Variants in C1RL observed in about 807,000 individuals in gnomAD.
C1RL encodes complement C1r subcomponent like, also known as complement C1r subcomponent-like protein.
A neutral mutation model predicts 27.9 loss-of-function variants in C1RL; 27 were observed. The observed-to-expected ratio is 0.97, with a 90% CI of 0.71 to 1.33. The LOEUF (loss-of-function observed/expected upper bound fraction) is 1.33, where lower values mean the gene tolerates loss of function less well. Ranked by LOEUF, C1RL falls within the 40% of genes most tolerant of loss-of-function variation. The pLI is 0.00. For missense variants in C1RL, 563 were observed against 623.9 expected, an observed-to-expected ratio of 0.90 and a Z score of 1.04; for synonymous variants, 248 against 252.1, an observed-to-expected ratio of 0.98 and a Z score of 0.15.
At chr12:7,097,368 C>T (rs777754581) in intron 5 of C1RL, 2 of 518,888 alleles carry the variant, frequency 3.9e-6, no homozygotes, top group Admixed American at 7.5e-5. Context: ...CTGCAACCTC[C>T]GCCTCCTGCG....
chr12:7,098,005 C>G (rs913886682), intron 5 of C1RL, among the ~76,000 whole-genome samples: 1 of 152,030 alleles, frequency 6.6e-6, no homozygotes, highest in Non-Finnish European at 1.5e-5. Flanking sequence ...CGGTGGCTCA[C>G]GCCTGTAATC....
Position 7,096,531 on chromosome 12 carries a change from C to A in C1RL, c.1324G>T (p.Val442Leu). Residue 442 changes from valine to leucine, a missense_variant, in exon 6 of 6, where the codon GTA becomes TTA. Transcript: ENST00000266542. The stretch of plus-strand genomic sequence containing the variant: ...CAGTGATGGGCATGATTGTCCCATA[C>A]CACATAGACGCTGCCACTGTCCCCC... The part of the protein sequence containing the change: ...CQGDSGSVYV[V>L]WDNHAHHWVA... 6.2e-7 allele frequency: 1 copy of A among 1,614,180 alleles called. No homozygotes were observed. Among genetic ancestry groups the A allele is most frequent in the Non-Finnish European group, 8.5e-7 (1 of 1,180,028 alleles).
chr12:7,106,425 G>A (rs1382808841), intron 2 of C1RL, among the ~76,000 whole-genome samples: 1 of 152,114 alleles, frequency 6.6e-6, no homozygotes, highest in South Asian at 2.1e-4. Context: ...AAATGGGAGA[G>A]TAAACCAAAA....
chr12:7,103,175 G>A (rs74057820), intron 2 of C1RL, among the ~76,000 whole-genome samples: 5,391 of 152,272 alleles, frequency 0.035, 312 homozygotes, highest in African/African-American at 0.12. Flanking sequence ...TAAGAGGCCT[G>A]CTTTTTGGGG....
At chr12:7,101,608 G>A in intron 3 of C1RL, 1 of 507,630 alleles carries the variant, frequency 2.0e-6, no homozygotes, top group Non-Finnish European at 3.5e-6. Context: ...GTCATCATTT[G>A]AAAATTTATA....
Position 7,099,465 on chromosome 12 carries a change from G to T in C1RL, c.691+221C>A, listed in dbSNP as rs1053259174. The T allele has an allele frequency of 7.1e-6, 7 of 983,990 alleles. No individual in the cohort carries two copies. The African/African-American group carries it at 8.7e-5, about 12-fold the overall frequency. The allele number at this position is 983,990 out of a possible 1,614,324, so 61.0% of individuals were successfully genotyped here. ...TCCTTTTCTAGTCCATCTCATGAAC[G>T]TCCTTCATGCTTTTCCTCAGATATA... is the stretch of plus-strand genomic sequence containing the variant. On this transcript the variant is annotated intron_variant, in intron 5 of 5. Coordinates refer to ENST00000266542, the MANE Select transcript of C1RL (RefSeq NM_016546.4).
chr12:7,095,534 T>C lies in C1RL; in HGVS notation c.*857A>G. ...ACTTCAGTCCAGTGCTGGGCTCACC[T>C]GGCTTCTGCAGGAGATGGGGCCATT... On this transcript the variant is annotated 3_prime_UTR_variant, in exon 6 of 6. Coordinates refer to ENST00000266542, the MANE Select transcript of C1RL (RefSeq NM_016546.4). 1 of 986,046 alleles carries C rather than the reference T, an allele frequency of 1.0e-6. No individual in the cohort carries two copies. Among genetic ancestry groups the C allele is most frequent in the Non-Finnish European group, 1.2e-6 (1 of 830,342 alleles). 61.1% of individuals were successfully genotyped at this position (986,046 alleles called of 1,614,324 possible).
rs1467331459 is a variant in C1RL at position 7,104,886 on chromosome 12, C to T, written c.301-2799G>A. On this transcript the variant is annotated intron_variant, in intron 2 of 5. Transcript: ENST00000266542. This position sits in a 1 kb window ranked among gnomAD's most constrained non-coding sequence, Gnocchi z 5.4. ...TTGTCTATATCAATTAGCTCTATGGCCAAATTGGTTTCATTCTATGTTATT... is the reference window on the plus strand; with the variant it reads ...TTGTCTATATCAATTAGCTCTATGGTCAAATTGGTTTCATTCTATGTTATT... Among the ~76,000 whole-genome samples, 1 of 152,144 alleles carries T rather than the reference C, an allele frequency of 6.6e-6. No homozygotes were observed. The highest frequency in any genetic ancestry group is 1.5e-5 in the Non-Finnish European group (1 of 68,026).
rs1471322790 is a variant in C1RL, at chr12:7,096,659, C to T, written c.1196G>A (p.Arg399Lys). ...TTGGAGCCAGGCGTTGCAGGCCTCC[C>T]TGGGAGCTACAGGCAGCCTCGAGTA... ...LKYSRLPVAP[R>K]EACNAWLQKR... The change falls in exon 6 of 6, where the codon AGG (arginine) becomes AAG (lysine). Residue 399 changes from arginine to lysine, a missense_variant. Coordinates refer to ENST00000266542, the MANE Select transcript of C1RL (RefSeq NM_016546.4). The T allele has an allele frequency of 3.1e-6, 5 of 1,614,028 alleles. No individual in the cohort carries two copies. Among genetic ancestry groups the T allele is most frequent in the South Asian group, 1.1e-5 (1 of 91,092 alleles).
In C1RL at chr12:7,109,195, C is replaced by T; in HGVS notation, c.-15G>A. 1 of 1,586,122 alleles carries T rather than the reference C, an allele frequency of 6.3e-7. No individual in the cohort carries two copies. Among genetic ancestry groups the T allele is most frequent in the Non-Finnish European group, 8.6e-7 (1 of 1,160,558 alleles). On this transcript the variant is annotated 5_prime_UTR_variant, in exon 1 of 6. Coordinates refer to ENST00000266542, the MANE Select transcript of C1RL (RefSeq NM_016546.4). Reference sequence around the variant, plus strand: ...GGTCCAGGCATCTGGAACTGGACATCTGGGACCTGCGAGAGAACTGGCCCA... The same window carrying T: ...GGTCCAGGCATCTGGAACTGGACATTTGGGACCTGCGAGAGAACTGGCCCA...
At chr12:7,101,305 G>A (rs936795982) in intron 3 of C1RL, among the ~76,000 whole-genome samples, 3 of 140,418 alleles carry the variant, frequency 2.1e-5, no homozygotes, top group Non-Finnish European at 3.0e-5. Context: ...TAGTTTCTCC[G>A]TGTCTCCCAG....
intron 5 of C1RL, 70 bp downstream of exon 5, chr12:7,099,616 C>T (rs1231832187): frequency 2.3e-5 from 35 of 1,538,610 alleles, no homozygotes; most frequent in Admixed American, 3.9e-5. Flanking sequence ...TCCTTTAACC[C>T]CTGTGTCCTG....
At chr12:7,107,050 G>A (rs1938786191) in intron 2 of C1RL, among the ~76,000 whole-genome samples, 1 of 152,164 alleles carries the variant, frequency 6.6e-6, no homozygotes, top group Non-Finnish European at 1.5e-5. Flanking sequence ...TTATACATAT[G>A]AAGTTAAAGA....
Position 7,095,345 on chromosome 12 carries a change from A to T in C1RL, c.*1046T>A. On this transcript the variant is annotated 3_prime_UTR_variant, in exon 6 of 6. Coordinates refer to ENST00000266542, the MANE Select transcript of C1RL (RefSeq NM_016546.4). ...TGGCCAGGATGGGCTGGATCTCCTG[A>T]CCTCGTGATCCACCCACCTCGGACT... 1.0e-6 allele frequency: 1 copy of T among 966,578 alleles called. No homozygotes were observed. Among genetic ancestry groups the T allele is most frequent in the African/African-American group, 1.8e-5 (1 of 56,114 alleles). 59.9% of individuals were successfully genotyped at this position (966,578 alleles called of 1,614,324 possible). A position where few individuals can be genotyped will look rare whatever the true frequency, so the allele number is the denominator to read the frequency against.
rs563110787 is a variant in C1RL at position 7,095,276 on chromosome 12, C to A, written c.*1115G>T. Reference sequence around the variant, plus strand: ...GACTACAGGCACGTGTCACCACGCCCGGCTAATTTTTGTATTTTTAGTAGA... The same window carrying A: ...GACTACAGGCACGTGTCACCACGCCAGGCTAATTTTTGTATTTTTAGTAGA... On this transcript the variant is annotated 3_prime_UTR_variant, in exon 6 of 6. Transcript: ENST00000266542. 1.8e-5 allele frequency: 14 copies of A among 766,338 alleles called. No individual in the cohort carries two copies. The highest frequency in any genetic ancestry group is 2.4e-5 in the South Asian group (1 of 41,078). 47.5% of individuals were successfully genotyped at this position (766,338 alleles called of 1,614,324 possible). A position where few individuals can be genotyped will look rare whatever the true frequency, so the allele number is the denominator to read the frequency against.
intron 2 of C1RL, among the ~76,000 whole-genome samples, chr12:7,105,522 G>A (rs1310042440): frequency 2.6e-5 from 4 of 152,058 alleles, no homozygotes; most frequent in East Asian, 1.9e-4. Flanking sequence ...TGCCTGCCTC[G>A]GCCTCCCAAA....
At chr12:7,105,608 T>C (rs1938746310) in intron 2 of C1RL, among the ~76,000 whole-genome samples, 3 of 152,032 alleles carry the variant, frequency 2.0e-5, no homozygotes, top group Admixed American at 6.6e-5. Flanking sequence ...TCAGATATCG[T>C]AGGAAAGTCT....
rs779518523 is a variant in C1RL at position 7,097,115 on chromosome 12, C to A, written c.740G>T (p.Gly247Val). 6.2e-7 allele frequency: 1 copy of A among 1,613,324 alleles called. No homozygotes were observed. The highest frequency in any genetic ancestry group is 8.5e-7 in the Non-Finnish European group (1 of 1,179,700). Residue 247 changes from glycine to valine, a missense_variant, in exon 6 of 6, where the codon GGT (glycine) becomes GTT (valine). By Grantham distance (109) the Gly-to-Val change is moderately radical. Transcript: ENST00000266542. The part of the protein sequence containing the change: ...TPIAQNQTTL[G>V]SSRAKLGNFP... The stretch of plus-strand genomic sequence containing the variant: ...GTTGCCCAGCTTGGCTCTGGAAGAA[C>A]CGAGGGTCGTCTGATTCTGGGCAAT...
intron 2 of C1RL, among the ~76,000 whole-genome samples, chr12:7,102,507 G>A (rs1218358394): frequency 1.3e-5 from 2 of 152,146 alleles, no homozygotes; most frequent in East Asian, 1.9e-4. Flanking sequence ...CAATGAACAT[G>A]GGCATAAGCC....
Sources: allele counts gnomAD v4.1 joint callset (sites outside exome capture counted in the v4.1 genomes callset), GRCh38; gene constraint gnomAD v4.1.1; non-coding constraint Gnocchi (gnomAD v3.1); transcripts MANE v1.5; gene names NCBI Gene and HGNC (gene_info 2026-07-23, HGNC 2026-07-21).